Variants in AP4S1 observed in about 807,000 individuals in gnomAD.
AP4S1 encodes the protein adaptor related protein complex 4 subunit sigma 1.
Under a neutral mutation model 19.8 loss-of-function variants are expected in AP4S1, and 23 were observed. That is an observed-to-expected ratio of 1.16 (90% CI 0.84 to 1.65). The LOEUF is 1.65. Ranked by LOEUF, AP4S1 falls within the 40% of genes most tolerant of loss-of-function variation. The pLI is 0.00. For missense variants in AP4S1, 166 were observed against 172.8 expected, an observed-to-expected ratio of 0.96 and a Z score of 0.22; for synonymous variants, 46 against 54.1, an observed-to-expected ratio of 0.85 and a Z score of 0.66.
chr14:31,073,477 G>C (rs556610569), intron 4 of AP4S1, among the ~76,000 whole-genome samples: 1 of 147,676 alleles, frequency 6.8e-6, no homozygotes, highest in African/African-American at 2.5e-5. Flanking sequence ...GCAACAGAGC[G>C]AGACTCCGTC....
At chr14:31,055,518 A>C (rs1886058226) in intron 1 of AP4S1, among the ~76,000 whole-genome samples, 2 of 152,306 alleles carry the variant, frequency 1.3e-5, no homozygotes, top group South Asian at 4.1e-4. Flanking sequence ...TGAGTTCTAA[A>C]AGATTAAGTA....
intron 4 of AP4S1, among the ~76,000 whole-genome samples, chr14:31,075,356 G>T (rs941685695): frequency 3.9e-5 from 6 of 151,984 alleles, no homozygotes; most frequent in East Asian, 1.9e-4. Context: ...AAATGATAGG[G>T]TTTTATTCTT....
intron 1 of AP4S1, among the ~76,000 whole-genome samples, chr14:31,052,934 ATTTTTTTT>A (rs1209280743): frequency 9.9e-6 from 1 of 101,240 alleles, no homozygotes; most frequent in Non-Finnish European, 1.9e-5. Flanking sequence ...AGTGTGCTAA[ATTTTTTTT>A]TTTTTTTTTT....
At chr14:31,026,105 G>T (rs1306467440) in intron 1 of AP4S1, 1 of 1,525,650 alleles carries the variant, frequency 6.6e-7, no homozygotes, top group Admixed American at 2.0e-5. Context: ...AAAGGCCCAG[G>T]TTCCCCCCAG....
At chr14:31,025,633 C>G, upstream of AP4S1, 1 of 517,160 alleles carries the variant, frequency 1.9e-6, no homozygotes. Flanking sequence ...TCCGGAGGAG[C>G]CCCCGCAGAC....
At chr14:31,048,006 A>G (rs1885521562) in intron 1 of AP4S1, among the ~76,000 whole-genome samples, 1 of 151,714 alleles carries the variant, frequency 6.6e-6, no homozygotes, top group South Asian at 2.1e-4. Context: ...AAGTTTATAC[A>G]GGTTTAGTGC....
intron 1 of AP4S1, among the ~76,000 whole-genome samples, chr14:31,063,525 C>T (rs1454981503): frequency 1.3e-5 from 2 of 152,110 alleles, no homozygotes; most frequent in Non-Finnish European, 1.5e-5. Flanking sequence ...GAAACTGAGG[C>T]TAGAGGATCA....
intron 1 of AP4S1, among the ~76,000 whole-genome samples, chr14:31,043,664 G>A (rs920107803): frequency 1.3e-5 from 2 of 152,140 alleles, no homozygotes; most frequent in African/African-American, 4.8e-5. Flanking sequence ...CTGAATCATC[G>A]TAGAATTCAA....
intron 1 of AP4S1, among the ~76,000 whole-genome samples, chr14:31,029,793 C>T (rs1488554845): frequency 6.6e-6 from 1 of 151,592 alleles, no homozygotes; most frequent in Non-Finnish European, 1.5e-5. Context: ...CCACTGCACT[C>T]CAGTCTGGGC....
rs145458326 is a variant in AP4S1 at position 31,036,010 on chromosome 14, G to A, written c.-72+10223G>A. 2.9e-3 allele frequency among the ~76,000 whole-genome samples: 438 copies of A among 152,116 alleles called. 4 individuals carry two copies. The highest frequency in any genetic ancestry group is 1.6e-3 in the Non-Finnish European group (108 of 68,014). ...CTCCCAAAGTGCTGGGATTACAGGC[G>A]TGAGCCACCGTGCCTGGCCAGAGAC... On this transcript the variant is annotated intron_variant, in intron 1 of 5. Coordinates refer to ENST00000542754, the MANE Select transcript of AP4S1 (RefSeq NM_001128126.3).
At chr14:31,076,998 C>G (rs1046830140) in intron 4 of AP4S1, among the ~76,000 whole-genome samples, 7 of 152,154 alleles carry the variant, frequency 4.6e-5, no homozygotes, top group African/African-American at 1.7e-4. Flanking sequence ...ATGGCGTGAT[C>G]TCGGCTCACT....
rs372945020 is a variant in AP4S1 at position 31,072,800 on chromosome 14, C to T, written c.226-105C>T. ...CTACTTTCCTCACATTATCGGTTCACTAAGCCACATGCTCTAAAACCTGGA... is the reference window on the plus strand; with the variant it reads ...CTACTTTCCTCACATTATCGGTTCATTAAGCCACATGCTCTAAAACCTGGA... On this transcript the variant is annotated intron_variant, in intron 3 of 5. Coordinates refer to ENST00000542754, the MANE Select transcript of AP4S1 (RefSeq NM_001128126.3). 3.3e-6 allele frequency: 3 copies of T among 900,454 alleles called. No individual in the cohort carries two copies. In the South Asian group the frequency reaches 4.1e-5, roughly 12 times the overall value. 55.8% of individuals were successfully genotyped at this position (900,454 alleles called of 1,614,324 possible).
chr14:31,066,451 A>C lies in AP4S1; in HGVS notation c.138+117A>C, dbSNP rs1458943451. ...AGCTATATTCCTTCAACAGCTACTA[A>C]AGAAAATAAGTGATGTGAAATGAAA... On this transcript the variant is annotated intron_variant, in intron 2 of 5. Coordinates refer to ENST00000542754, the MANE Select transcript of AP4S1 (RefSeq NM_001128126.3). 5 of 1,329,400 alleles carry C rather than the reference A, an allele frequency of 3.8e-6. No homozygotes were observed. The East Asian group carries it at 1.2e-4, about 31-fold the overall frequency. The allele number at this position is 1,329,400 out of a possible 1,614,324, so 82.4% of individuals were successfully genotyped here.
chr14:31,082,393 C>T (rs886244459), intron 5 of AP4S1, among the ~76,000 whole-genome samples: 4 of 152,148 alleles, frequency 2.6e-5, no homozygotes, highest in Admixed American at 6.5e-5. Context: ...CCATTCAAAG[C>T]AATTCAAAAT....
At chr14:31,049,440 T>A (rs1433064641) in intron 1 of AP4S1, among the ~76,000 whole-genome samples, 4,519 of 53,748 alleles carry the variant, frequency 0.084, 255 homozygotes, top group Non-Finnish European at 0.092. Flanking sequence ...TATATATATA[T>A]ATATATATAT....
intron 1 of AP4S1, among the ~76,000 whole-genome samples, chr14:31,037,108 G>A (rs750323668): frequency 2.6e-5 from 4 of 151,788 alleles, no homozygotes; most frequent in African/African-American, 7.3e-5. Flanking sequence ...CACCACGCCC[G>A]GCCAAGTCCT....
chr14:31,038,543 G>A (rs1884908232), intron 1 of AP4S1, among the ~76,000 whole-genome samples: 1 of 152,114 alleles, frequency 6.6e-6, no homozygotes. Flanking sequence ...TACATCCATG[G>A]TCCTGTTACA....
chr14:31,056,238 C>G (rs1470451863), intron 1 of AP4S1, among the ~76,000 whole-genome samples: 1 of 152,136 alleles, frequency 6.6e-6, no homozygotes, highest in Non-Finnish European at 1.5e-5. Flanking sequence ...AATGCAGTGG[C>G]TATTCACAGG....
intron 1 of AP4S1, among the ~76,000 whole-genome samples, chr14:31,045,805 C>T (rs1885362393): frequency 6.6e-6 from 1 of 152,030 alleles, no homozygotes; most frequent in African/African-American, 2.4e-5. Flanking sequence ...GAGCCCCTTT[C>T]ATAACCCCTG....
Sources: allele counts gnomAD v4.1 joint callset (sites outside exome capture counted in the v4.1 genomes callset), GRCh38; gene constraint gnomAD v4.1.1; transcripts MANE v1.5; gene names NCBI Gene and HGNC (gene_info 2026-07-23, HGNC 2026-07-21).